ALKBH1: variants seen among roughly 807,000 people sequenced by gnomAD.
The protein encoded by ALKBH1 is nucleic acid dioxygenase ALKBH1.
A neutral mutation model predicts 36.6 loss-of-function variants in ALKBH1; 31 were observed. The observed-to-expected ratio is 0.85, with a 90% CI of 0.64 to 1.14. The LOEUF is 1.14. ALKBH1 is among the 50% of genes most tolerant of loss of function. ALKBH1 has a pLI of 0.00. For synonymous variants in ALKBH1, 183 were observed against 186.6 expected, an observed-to-expected ratio of 0.98 and a Z score of 0.16; for missense variants, 490 against 497.3, an observed-to-expected ratio of 0.99 and a Z score of 0.14.
At chr14:77,677,912 A>AC (rs762013486) in intron 4 of ALKBH1, among the ~76,000 whole-genome samples, 7 of 151,972 alleles carry the variant, frequency 4.6e-5, no homozygotes, top group Non-Finnish European at 8.8e-5. Flanking sequence ...TGGGCTTTCA[A>AC]CCCTGTCCAA....
intron 4 of ALKBH1, among the ~76,000 whole-genome samples, chr14:77,678,516 C>T (rs145918154): frequency 2.1e-3 from 310 of 148,506 alleles, no homozygotes; most frequent in African/African-American, 6.9e-3. Flanking sequence ...CCACTGCACT[C>T]CAGCCTAGGT....
chr14:77,706,515 T>C (rs981860678), intron 1 of ALKBH1, among the ~76,000 whole-genome samples: 2 of 152,196 alleles, frequency 1.3e-5, no homozygotes, highest in East Asian at 1.9e-4. Flanking sequence ...TGGCTTGTAA[T>C]AGTAACTTCT....
intron 2 of ALKBH1, chr14:77,697,076 C>G (rs541282939): frequency 8.0e-5 from 15 of 188,302 alleles, no homozygotes; most frequent in Non-Finnish European, 1.6e-4. Flanking sequence ...AAAGCTTGTA[C>G]TGGTTTGCAA....
At chr14:77,695,277 A>G (rs2080321100) in intron 2 of ALKBH1, among the ~76,000 whole-genome samples, 1 of 152,176 alleles carries the variant, frequency 6.6e-6, no homozygotes, top group Non-Finnish European at 1.5e-5. Context: ...CTTATAATGA[A>G]TTTTAGCTAA....
Position 77,707,906 on chromosome 14 carries a change from G to A in ALKBH1, c.99C>T (p.Ser33=), listed in dbSNP as rs749037697. The change falls in exon 1 of 6, where the codon AGC becomes AGT. Residue 33 remains serine, a synonymous_variant. Transcript: ENST00000216489. The part of the protein sequence containing the change: ...FRKLFRFYRQ[S]RPGTADLEGV... ...CTTCCAGGTCTGCGGTCCCGGGCCGGCTCTGACGGTAGAAGCGGAAAAGTT... is the reference window on the plus strand; with the variant it reads ...CTTCCAGGTCTGCGGTCCCGGGCCGACTCTGACGGTAGAAGCGGAAAAGTT... The A allele has an allele frequency of 1.1e-5, 17 of 1,613,458 alleles. No homozygotes were observed. The highest frequency in any genetic ancestry group is 3.4e-6 in the Non-Finnish European group (4 of 1,179,990).
At chr14:77,707,639 C>T (rs2080402904) in intron 1 of ALKBH1, among the ~76,000 whole-genome samples, 183 bp downstream of exon 1, 1 of 152,314 alleles carries the variant, frequency 6.6e-6, no homozygotes, top group East Asian at 1.9e-4. Flanking sequence ...AAGAAACAGG[C>T]ATCTCAACGC....
intron 3 of ALKBH1, among the ~76,000 whole-genome samples, chr14:77,691,361 T>C (rs2139855723): frequency 6.6e-6 from 1 of 152,326 alleles, no homozygotes; most frequent in Non-Finnish European, 1.5e-5. Flanking sequence ...TGGTTCTCAA[T>C]GTCAGAGGAT....
intron 5 of ALKBH1, among the ~76,000 whole-genome samples, chr14:77,674,831 T>C (rs1338403183): frequency 6.6e-6 from 1 of 152,180 alleles, no homozygotes; most frequent in East Asian, 1.9e-4. Context: ...GGATTATAGG[T>C]GTAAGCCATC....
At chr14:77,695,619 T>C (rs1428968627) in intron 2 of ALKBH1, among the ~76,000 whole-genome samples, 1 of 152,240 alleles carries the variant, frequency 6.6e-6, no homozygotes, top group Non-Finnish European at 1.5e-5. Flanking sequence ...TCTTTTGTTG[T>C]TCTTCTCAGC....
At position 77,675,836 on chromosome 14, in the gene ALKBH1, T is replaced by C; in HGVS notation, c.560A>G (p.Asp187Gly). ...GTCAGAAGGGAAAGGTGTGTAATGA[T>C]CTGCTGAGTATTTCTTTGGTAAATG... ...YNWDSKKYSA[D>G]HYTPFPSDLG... The change falls in exon 5 of 6, where the codon GAT (aspartate) becomes GGT (glycine). Residue 187 changes from aspartate to glycine, a missense_variant. Transcript: ENST00000216489. 6.2e-7 allele frequency: 1 copy of C among 1,613,186 alleles called. No homozygotes were observed. Among genetic ancestry groups the C allele is most frequent in the Non-Finnish European group, 8.5e-7 (1 of 1,179,164 alleles).
At chr14:77,696,182 C>G (rs1468558480) in intron 2 of ALKBH1, among the ~76,000 whole-genome samples, 1 of 152,056 alleles carries the variant, frequency 6.6e-6, no homozygotes, top group Non-Finnish European at 1.5e-5. Context: ...GTGCCAGGCA[C>G]TTTCTTTCTT....
chr14:77,707,984 G>A lies in ALKBH1; in HGVS notation c.21C>T (p.Ala7=), dbSNP rs749200552. Residue 7 remains alanine, a synonymous_variant, in exon 1 of 6, where the codon GCC becomes GCT. Coordinates refer to ENST00000216489, the MANE Select transcript of ALKBH1 (RefSeq NM_006020.3). ...TCGCCAGAGTCGCCACAGAGCCCAC[G>A]GCCGCTGCCATCTTCCCCATCTCGC... MGKMAA[A]VGSVATLATE... The A allele has an allele frequency of 2.3e-5, 37 of 1,611,174 alleles. 1 individual carries two copies. In the South Asian group the frequency reaches 2.5e-4, roughly 11 times the overall value.
chr14:77,699,872 A>G (rs371137918), intron 2 of ALKBH1, among the ~76,000 whole-genome samples: 86 of 152,120 alleles, frequency 5.7e-4, no homozygotes, highest in East Asian at 2.1e-3. Flanking sequence ...GGCTAACACA[A>G]TGAAACCCCG....
chr14:77,679,107 G>A (rs190972054), intron 4 of ALKBH1, among the ~76,000 whole-genome samples: 15 of 152,214 alleles, frequency 9.9e-5, no homozygotes, highest in Admixed American at 5.9e-4. Flanking sequence ...GTGAGCCACC[G>A]CGTGTGATCG....
At chr14:77,707,363 AC>A (rs1346806824) in intron 1 of ALKBH1, among the ~76,000 whole-genome samples, 1 of 152,120 alleles carries the variant, frequency 6.6e-6, no homozygotes, top group African/African-American at 2.4e-5. Context: ...TCCTTCAATG[AC>A]CTCCTTCTAA....
rs938345610 is a variant in ALKBH1 at position 77,706,104 on chromosome 14, C to T, written c.184-1627G>A. On this transcript the variant is annotated intron_variant, in intron 1 of 5. Coordinates refer to ENST00000216489, the MANE Select transcript of ALKBH1 (RefSeq NM_006020.3). Reference sequence around the variant, plus strand: ...ATATACACACACATATATACACACACACATATATATATATATGAAACATTC... The same window carrying T: ...ATATACACACACATATATACACACATACATATATATATATATGAAACATTC... 7.5e-5 allele frequency among the ~76,000 whole-genome samples: 11 copies of T among 147,412 alleles called. No homozygotes were observed. The East Asian group carries it at 1.8e-3, about 24-fold the overall frequency.
At chr14:77,693,224 A>AACAAC (rs369220185) in intron 3 of ALKBH1, among the ~76,000 whole-genome samples, 53 of 126,434 alleles carry the variant, frequency 4.2e-4, no homozygotes, top group Non-Finnish European at 4.7e-4. Flanking sequence ...AAAAAAAAAA[A>AACAAC]TTTTTTTTCA....
At chr14:77,699,936 T>C (rs2080350112) in intron 2 of ALKBH1, among the ~76,000 whole-genome samples, 1 of 152,026 alleles carries the variant, frequency 6.6e-6, no homozygotes, top group Non-Finnish European at 1.5e-5. Flanking sequence ...GCGCCTGTAG[T>C]CTCAGCTACT....
chr14:77,688,150 C>A (rs548991182), intron 3 of ALKBH1, among the ~76,000 whole-genome samples: 1 of 152,202 alleles, frequency 6.6e-6, no homozygotes, highest in South Asian at 2.1e-4. Context: ...TGTTAACTTT[C>A]TTTTCTCTCA....
Sources: allele counts gnomAD v4.1 joint callset (sites outside exome capture counted in the v4.1 genomes callset), GRCh38; gene constraint gnomAD v4.1.1; transcripts MANE v1.5; gene names NCBI Gene and HGNC (gene_info 2026-07-23, HGNC 2026-07-21).